ABCA4: variants seen among roughly 807,000 people sequenced by gnomAD.
ABCA4 encodes ATP binding cassette subfamily A member 4, also known as retinal-specific phospholipid-transporting ATPase ABCA4.
Under a neutral mutation model 263.7 loss-of-function variants are expected in ABCA4, and 196 were observed. The ratio of observed to expected loss-of-function variants is 0.74; its 90% confidence interval spans 0.66 to 0.84. The LOEUF (loss-of-function observed/expected upper bound fraction) is 0.84. Ranked by LOEUF, ABCA4 falls within the 40% of genes least tolerant of loss-of-function variation. The pLI, the probability that ABCA4 is intolerant of heterozygous loss-of-function variation, is 0.00. For missense variants in ABCA4, 2,792 were observed against 2,855.1 expected (o/e 0.98, Z 0.50); for synonymous variants, 1,133 against 1,094.2 (o/e 1.04, Z -0.70).
intron 7 of ABCA4, 33 bp downstream of exon 7, chr1:94,083,319 T>A (rs1346225620): frequency 4.0e-6 from 6 of 1,505,476 alleles, no homozygotes; most frequent in Non-Finnish European, 4.6e-6. Context: ...AAAGACATAA[T>A]GAAATTATAA....
intron 30 of ABCA4, among the ~76,000 whole-genome samples, chr1:94,026,644 G>T (rs570531755): frequency 1.3e-5 from 2 of 152,290 alleles, no homozygotes; most frequent in African/African-American, 4.8e-5. Context: ...ATGATAAATT[G>T]TTTTATAAAA....
At chr1:94,098,503 C>T (rs1662192947) in intron 6 of ABCA4, among the ~76,000 whole-genome samples, 1 of 152,196 alleles carries the variant, frequency 6.6e-6, no homozygotes, top group Non-Finnish European at 1.5e-5. Context: ...AGGCCTCCTC[C>T]TTCCTTTACC....
chr1:94,035,297 G>T (rs1356919792), intron 26 of ABCA4, among the ~76,000 whole-genome samples: 2 of 152,186 alleles, frequency 1.3e-5, no homozygotes, highest in African/African-American at 4.8e-5. Context: ...TTGACATTGG[G>T]TGAGCTGAGA....
At chr1:94,005,337 A>G in intron 44 of ABCA4, 104 bp downstream of exon 44, 1 of 1,437,022 alleles carries the variant, frequency 7.0e-7, no homozygotes, top group Non-Finnish European at 9.7e-7. Context: ...GAATGAATGA[A>G]TGAATAGCAC....
chr1:94,062,482 A>C, intron 13 of ABCA4, 95 bp downstream of exon 13: 26 of 1,491,158 alleles, frequency 1.7e-5, no homozygotes, highest in Non-Finnish European at 2.3e-5. Flanking sequence ...CTCTCTAAAG[A>C]CATGGAAGCC....
intron 14 of ABCA4, among the ~76,000 whole-genome samples, chr1:94,058,358 C>T (rs1346662005): frequency 6.6e-6 from 1 of 152,062 alleles, no homozygotes; most frequent in African/African-American, 2.4e-5. Flanking sequence ...AAATCAATTT[C>T]TTTTTTATTT....
intron 47 of ABCA4, among the ~76,000 whole-genome samples, chr1:93,998,558 A>G (rs1659076893): frequency 6.6e-6 from 1 of 152,142 alleles, no homozygotes; most frequent in African/African-American, 2.4e-5. Flanking sequence ...GGCCCATACC[A>G]TAGACCTGTG....
chr1:94,033,562 T>C (rs1445342000), intron 26 of ABCA4, among the ~76,000 whole-genome samples: 5 of 152,196 alleles, frequency 3.3e-5, no homozygotes, highest in African/African-American at 1.2e-4. Flanking sequence ...TAGTCACTGA[T>C]TAATGCTCAT....
At chr1:94,070,746 G>A (rs1401911882) in intron 11 of ABCA4, among the ~76,000 whole-genome samples, 1 of 152,210 alleles carries the variant, frequency 6.6e-6, no homozygotes, top group East Asian at 1.9e-4. Flanking sequence ...TGACCTGGCA[G>A]TCGAGTGGGG....
chr1:93,999,949 A>G lies in ABCA4; in HGVS notation c.6479+887T>C, dbSNP rs541535351. On this transcript the variant is annotated intron_variant, in intron 47 of 49. Coordinates refer to ENST00000370225, the MANE Select transcript of ABCA4 (RefSeq NM_000350.3). ...CCAAGTTGTAGTTGCTCAATAAATC[A>G]TGGGTCAAACGTCCACTTGCCACAA... Among the ~76,000 whole-genome samples the G allele has an allele frequency of 2.0e-5, 3 of 152,356 alleles. No homozygotes were observed. In the East Asian group the frequency reaches 5.8e-4, roughly 29 times the overall value.
At chr1:94,044,588 C>A (rs762520805) in intron 20 of ABCA4, 25 bp downstream of exon 20, 2 of 1,614,156 alleles carry the variant, frequency 1.2e-6, no homozygotes, top group South Asian at 2.2e-5. Context: ...GGGGATGGGG[C>A]GGTCTCAGTT....
intron 32 of ABCA4, among the ~76,000 whole-genome samples, chr1:94,022,297 C>T (rs888180310): frequency 3.9e-5 from 6 of 152,204 alleles, no homozygotes; most frequent in African/African-American, 1.4e-4. Context: ...TCTGCCTTTG[C>T]ATGGCTGCTA....
intron 7 of ABCA4, 64 bp downstream of exon 7, chr1:94,083,288 C>T (rs1661747844): frequency 6.1e-6 from 8 of 1,302,116 alleles, no homozygotes; most frequent in Middle Eastern, 1.8e-4. Flanking sequence ...AATTATTTGA[C>T]ATAAGTGGGG....
chr1:94,003,193 C>T (rs186038661), intron 44 of ABCA4, among the ~76,000 whole-genome samples: 1 of 152,118 alleles, frequency 6.6e-6, no homozygotes. Flanking sequence ...GTCAGTTGGT[C>T]CAATAATATC....
rs558734105 is a variant in ABCA4 at position 93,999,912 on chromosome 1, T to G, written c.6479+924A>C. ...TGACATGCTGCTATTTCTATAGATA[T>G]CTATGCAGTGTCCAAGTTGTAGTTG... On this transcript the variant is annotated intron_variant, in intron 47 of 49. Transcript: ENST00000370225. Among the ~76,000 whole-genome samples, 81 of 152,356 alleles carry G rather than the reference T, an allele frequency of 5.3e-4. 2 individuals carry two copies. The highest frequency in any genetic ancestry group is 4.4e-5 in the Non-Finnish European group (3 of 68,038).
chr1:94,044,876 C>A, intron 19 of ABCA4, 132 bp from the exon 20 acceptor site: 1 of 1,453,178 alleles, frequency 6.9e-7, no homozygotes, highest in East Asian at 2.3e-5. Context: ...ACTCAAACCC[C>A]TATTAGCTGT....
At chr1:94,103,947 G>A (rs987118749) in intron 4 of ABCA4, among the ~76,000 whole-genome samples, 2 of 152,184 alleles carry the variant, frequency 1.3e-5, no homozygotes, top group African/African-American at 4.8e-5. Context: ...TAACAGTTAA[G>A]GTGACCTTGG....
intron 36 of ABCA4, 23 bp from the exon 37 acceptor site, chr1:94,015,877 A>G (rs1000682713): frequency 1.9e-6 from 3 of 1,595,778 alleles, no homozygotes; most frequent in Non-Finnish European, 2.6e-6. Context: ...AGAGGAGAGC[A>G]AGTCACTTAA....
At chr1:94,050,160 C>T (rs151136413) in intron 17 of ABCA4, among the ~76,000 whole-genome samples, 146 of 152,324 alleles carry the variant, frequency 9.6e-4, no homozygotes, top group Admixed American at 1.8e-3. Flanking sequence ...TACTGTTCTT[C>T]TATTTCTGCT....
Sources: allele counts gnomAD v4.1 joint callset (sites outside exome capture counted in the v4.1 genomes callset), GRCh38; gene constraint gnomAD v4.1.1; transcripts MANE v1.5; gene names NCBI Gene and HGNC (gene_info 2026-07-23, HGNC 2026-07-21).